The following MACROD2 variants were observed in gnomAD, a reference collection of about 807,000 sequenced individuals.
The protein encoded by MACROD2 is ADP-ribose glycohydrolase MACROD2.
MACROD2 carries 36 observed loss-of-function variants against 70.4 expected under a neutral mutation model. The observed-to-expected ratio is 0.51, with a 90% CI of 0.39 to 0.68. MACROD2 has a LOEUF of 0.68. Ranked by LOEUF, MACROD2 falls within the 30% of genes least tolerant of loss-of-function variation. The pLI is 0.00. For missense variants in MACROD2, 496 were observed against 538.4 expected (o/e 0.92, Z 0.78); for synonymous variants, 172 against 178.8 (o/e 0.96, Z 0.30).
intron 8 of MACROD2, among the ~76,000 whole-genome samples, chr20:15,822,818 G>A (rs1206617892): frequency 2.0e-5 from 3 of 152,122 alleles, no homozygotes; most frequent in African/African-American, 7.2e-5. Context: ...AATTAGGAAA[G>A]AAAACCGCAG....
At chr20:15,348,246 C>T (rs2078188350) in intron 6 of MACROD2, among the ~76,000 whole-genome samples, 1 of 152,196 alleles carries the variant, frequency 6.6e-6, no homozygotes, top group South Asian at 2.1e-4. Flanking sequence ...TGGCCAAGTG[C>T]ACAAGAAGGA....
chr20:15,134,051 T>C (rs1967750), intron 5 of MACROD2, among the ~76,000 whole-genome samples: 131,959 of 149,120 alleles, frequency 0.88, 58,556 homozygotes, highest in East Asian at 1. Flanking sequence ...GGAATACAGG[T>C]GCCCGCCACC....
At chr20:15,020,986 GTGTATA>G (rs1443231276) in intron 5 of MACROD2, among the ~76,000 whole-genome samples, 4 of 147,606 alleles carry the variant, frequency 2.7e-5, no homozygotes, top group African/African-American at 1.0e-4. Context: ...ATACACATGT[GTGTATA>G]TGTATATGCA....
intron 6 of MACROD2, among the ~76,000 whole-genome samples, chr20:15,254,496 G>A (rs4399780): frequency 0.11 from 16,773 of 152,036 alleles, 1,200 homozygotes; most frequent in African/African-American, 0.19. Context: ...TTATCAAATC[G>A]TTTAATACTG....
intron 5 of MACROD2, among the ~76,000 whole-genome samples, chr20:14,800,664 C>G (rs1473222148): frequency 6.6e-6 from 1 of 152,050 alleles, no homozygotes; most frequent in Admixed American, 6.6e-5. Context: ...TAAGTCCTTT[C>G]AGGTTATAAT....
intron 2 of MACROD2, among the ~76,000 whole-genome samples, chr20:14,076,285 T>C (rs13044749): frequency 0.19 from 28,209 of 152,082 alleles, 3,366 homozygotes; most frequent in Non-Finnish European, 0.26. Context: ...ATCTTAGAGA[T>C]TAATGAACTC....
intron 3 of MACROD2, among the ~76,000 whole-genome samples, chr20:14,479,400 A>T (rs1341756285): frequency 6.6e-6 from 1 of 152,056 alleles, no homozygotes; most frequent in Non-Finnish European, 1.5e-5. Context: ...TCATCAGCTT[A>T]TCTTCAGTGG....
chr20:14,642,751 C>G (rs1002507977), intron 4 of MACROD2, among the ~76,000 whole-genome samples: 2 of 151,892 alleles, frequency 1.3e-5, no homozygotes, highest in Admixed American at 1.3e-4. Flanking sequence ...GTGCCCAAAA[C>G]AATTGCAATA....
chr20:14,332,966 A>C (rs1483773883), intron 3 of MACROD2, among the ~76,000 whole-genome samples: 2 of 152,132 alleles, frequency 1.3e-5, no homozygotes, highest in Non-Finnish European at 1.5e-5. Context: ...ACTGGAGTAC[A>C]TCAGGTTAGT....
intron 5 of MACROD2, among the ~76,000 whole-genome samples, chr20:14,902,244 T>C (rs537714200): frequency 2.6e-5 from 4 of 152,302 alleles, no homozygotes; most frequent in African/African-American, 9.6e-5. Context: ...TTGTTTTACT[T>C]TTCAAAATTC....
intron 5 of MACROD2, among the ~76,000 whole-genome samples, chr20:15,137,611 A>T (rs1325530860): frequency 6.6e-6 from 1 of 150,564 alleles, no homozygotes. Context: ...CTAATGCTAC[A>T]TGATGAGTTA....
At position 14,348,282 on chromosome 20, in the gene MACROD2, TAAATA is replaced by T. The variant is rs1431950847; in HGVS notation, c.272-145189_272-145185del. ...AGACTCCGTCTCAAAAAAAAAAAAA[TAAATA>T]AAATAAAGAAAGAAAGAAAGAAAAG... On this transcript the variant is annotated intron_variant, in intron 3 of 17. Transcript: ENST00000684519. Among the ~76,000 whole-genome samples the T allele has an allele frequency of 2.1e-3, 244 of 115,508 alleles. 1 individual carries two copies. The highest frequency in any genetic ancestry group is 7.4e-3 in the African/African-American group (238 of 32,162). 75.8% of individuals were successfully genotyped at this position (115,508 alleles called of 152,430 possible). A position where few individuals can be genotyped will look rare whatever the true frequency, so the allele number is the denominator to read the frequency against.
At chr20:15,629,198 T>G (rs2049251564) in intron 8 of MACROD2, among the ~76,000 whole-genome samples, 1 of 152,216 alleles carries the variant, frequency 6.6e-6, no homozygotes, top group South Asian at 2.1e-4. Context: ...TTCTATACTG[T>G]TTTTACAAAT....
intron 3 of MACROD2, among the ~76,000 whole-genome samples, chr20:14,100,881 AT>A (rs1344309315): frequency 2.8e-5 from 4 of 142,830 alleles, no homozygotes; most frequent in Middle Eastern, 3.7e-3. Context: ...TAGTATATTT[AT>A]TTTTGATTAA....
chr20:15,849,361 A>T (rs544604372), intron 8 of MACROD2, among the ~76,000 whole-genome samples: 1 of 152,338 alleles, frequency 6.6e-6, no homozygotes, highest in East Asian at 1.9e-4. Context: ...AAGATATGTT[A>T]ATGAGCTTCC....
At chr20:14,192,442 C>T (rs143312015) in intron 3 of MACROD2, among the ~76,000 whole-genome samples, 1 of 152,042 alleles carries the variant, frequency 6.6e-6, no homozygotes, top group Non-Finnish European at 1.5e-5. Flanking sequence ...AGGAGACACA[C>T]GGGAGGTGTA....
At chr20:15,833,083 G>A (rs530183486) in intron 8 of MACROD2, among the ~76,000 whole-genome samples, 1 of 152,066 alleles carries the variant, frequency 6.6e-6, no homozygotes, top group African/African-American at 2.4e-5. Context: ...CAGCCCCTTG[G>A]GAGCCATTAA....
chr20:14,670,324 T>C (rs1233657584), intron 4 of MACROD2, among the ~76,000 whole-genome samples: 1 of 152,122 alleles, frequency 6.6e-6, no homozygotes, highest in Non-Finnish European at 1.5e-5. Flanking sequence ...TCATTGTTGA[T>C]GGAAATATCC....
At chr20:14,189,123 G>A (rs2148736933) in intron 3 of MACROD2, among the ~76,000 whole-genome samples, 1 of 151,730 alleles carries the variant, frequency 6.6e-6, no homozygotes. Flanking sequence ...TTTATTTTTT[G>A]TTTGCAGTAA....
Sources: allele counts gnomAD v4.1 joint callset (sites outside exome capture counted in the v4.1 genomes callset), GRCh38; gene constraint gnomAD v4.1.1; transcripts MANE v1.5; gene names NCBI Gene and HGNC (gene_info 2026-07-23, HGNC 2026-07-21).